PTBP3: variants seen among roughly 807,000 people sequenced by gnomAD.
PTBP3 encodes the protein polypyrimidine tract-binding protein 3.
A neutral mutation model predicts 58.7 loss-of-function variants in PTBP3; 20 were observed. The ratio of observed to expected loss-of-function variants is 0.34; its 90% CI spans 0.24 to 0.50. PTBP3 has a LOEUF of 0.50. Among genes scored for constraint, PTBP3 ranks in the 20% least tolerant of loss-of-function variants. The pLI is 0.98. For synonymous variants in PTBP3, 185 were observed against 219.8 expected (o/e 0.84, Z 1.40); for missense variants, 509 against 637.2 (o/e 0.80, Z 2.17).
intron 1 of PTBP3, among the ~76,000 whole-genome samples, chr9:112,311,619 G>C (rs1587873928): frequency 6.6e-6 from 1 of 151,846 alleles, no homozygotes; most frequent in South Asian, 2.1e-4. Flanking sequence ...ATGGATTTTG[G>C]CCCCCCCTAG....
the PTBP3 span, among the ~76,000 whole-genome samples, chr9:112,361,551 T>G: frequency 5.2e-5 from 1 of 19,266 alleles, no homozygotes. Context: ...ACATTTAAAT[T>G]TCTACCTTAT....
the PTBP3 span, among the ~76,000 whole-genome samples, chr9:112,339,328 C>A: frequency 6.8e-6 from 1 of 146,224 alleles, no homozygotes; most frequent in African/African-American, 2.5e-5. Context: ...AGGCGTGAAT[C>A]CTAAGGGGCT....
At chr9:112,302,281 A>T (rs1828968840) in intron 1 of PTBP3, among the ~76,000 whole-genome samples, 1 of 152,216 alleles carries the variant, frequency 6.6e-6, no homozygotes, top group Non-Finnish European at 1.5e-5. Flanking sequence ...TAAGAAATCT[A>T]CCAAAAGAGT....
At chr9:112,325,599 T>TA (rs56025050) in intron 1 of PTBP3, among the ~76,000 whole-genome samples, 49,064 of 144,350 alleles carry the variant, frequency 0.34, 8,395 homozygotes, top group South Asian at 0.45. Flanking sequence ...TCACAGAAAT[T>TA]AAAAAAAAAA....
chr9:112,340,185 G>A, the PTBP3 span, among the ~76,000 whole-genome samples: 1 of 152,062 alleles, frequency 6.6e-6, no homozygotes, highest in South Asian at 2.1e-4. Context: ...TACATAATAG[G>A]CAGCCAATAT....
At chr9:112,309,749 C>A (rs1439552522) in intron 1 of PTBP3, among the ~76,000 whole-genome samples, 1 of 150,748 alleles carries the variant, frequency 6.6e-6, no homozygotes, top group African/African-American at 2.4e-5. Flanking sequence ...GATTGTGCCA[C>A]TGCATTCCAG....
intron 1 of PTBP3, among the ~76,000 whole-genome samples, chr9:112,320,973 T>C (rs1829923583): frequency 6.6e-6 from 1 of 152,190 alleles, no homozygotes; most frequent in African/African-American, 2.4e-5. Context: ...ATTCCTTAGC[T>C]AGATGAGACA....
the PTBP3 span, among the ~76,000 whole-genome samples, chr9:112,371,672 CA>C: frequency 7.9e-6 from 1 of 126,632 alleles, no homozygotes; most frequent in Non-Finnish European, 1.5e-5. Context: ...TTTTTTTTAC[CA>C]GATCCCACTG....
At chr9:112,290,286 G>C (rs574926554) in intron 2 of PTBP3, among the ~76,000 whole-genome samples, 1 of 152,158 alleles carries the variant, frequency 6.6e-6, no homozygotes, top group African/African-American at 2.4e-5. Flanking sequence ...TGATCAGTAA[G>C]CATATGAAAA....
the PTBP3 span, among the ~76,000 whole-genome samples, chr9:112,343,212 A>T: frequency 2.7e-5 from 4 of 147,882 alleles, no homozygotes; most frequent in Non-Finnish European, 6.0e-5. Flanking sequence ...ACTCTGAACA[A>T]TTTTTTTTTT....
In PTBP3 at chr9:112,220,797, T is replaced by G. The variant is rs1433905390; in HGVS notation, c.*3054A>C. The G allele has an allele frequency of 6.1e-6, 6 of 980,230 alleles. No individual in the cohort carries two copies. Among genetic ancestry groups the G allele is most frequent in the African/African-American group, 1.8e-5 (1 of 57,092 alleles). The allele number at this position is 980,230 out of a possible 1,614,324, so 60.7% of individuals were successfully genotyped here. A position where few individuals can be genotyped will look rare whatever the true frequency, so the allele number is the denominator to read the frequency against. Reference sequence around the variant, plus strand: ...CTACTGTTAAATGTGTACTGCTATTTTTTAAAGTCCTGAATATATATACTT... The same window carrying G: ...CTACTGTTAAATGTGTACTGCTATTGTTTAAAGTCCTGAATATATATACTT... On this transcript the variant is annotated 3_prime_UTR_variant, in exon 14 of 14. Coordinates refer to ENST00000374257, the MANE Select transcript of PTBP3 (RefSeq NM_001163788.4).
intron 1 of PTBP3, chr9:112,330,537 C>G (rs1217835451): frequency 8.9e-7 from 1 of 1,128,438 alleles, no homozygotes; most frequent in Non-Finnish European, 1.3e-6. Context: ...TTTTAAAAGA[C>G]AGAGATAGTA....
intron 1 of PTBP3, among the ~76,000 whole-genome samples, chr9:112,313,918 C>T (rs548884587): frequency 5.9e-5 from 9 of 152,162 alleles, no homozygotes; most frequent in Middle Eastern, 6.8e-3. Flanking sequence ...CAACTGACGA[C>T]GGAAAACATT....
At chr9:112,226,896 A>G (rs1835009126) in intron 12 of PTBP3, among the ~76,000 whole-genome samples, 1 of 152,258 alleles carries the variant, frequency 6.6e-6, no homozygotes, top group African/African-American at 2.4e-5. Flanking sequence ...GAGTTTGAAG[A>G]TAACTAAAGC....
chr9:112,286,491 T>C (rs1307318001), intron 2 of PTBP3, among the ~76,000 whole-genome samples: 1 of 152,206 alleles, frequency 6.6e-6, no homozygotes, highest in Non-Finnish European at 1.5e-5. Flanking sequence ...GTAGACAATA[T>C]ACATCTTTAA....
At position 112,221,393 on chromosome 9, in the gene PTBP3, G is replaced by C. The variant is rs1223744825; in HGVS notation, c.*2458C>G. 6 of 985,714 alleles carry C rather than the reference G, an allele frequency of 6.1e-6. No homozygotes were observed. The highest frequency in any genetic ancestry group is 7.2e-6 in the Non-Finnish European group (6 of 829,902). 61.1% of individuals were successfully genotyped at this position (985,714 alleles called of 1,614,324 possible). A position where few individuals can be genotyped will look rare whatever the true frequency, so the allele number is the denominator to read the frequency against. ...TCAAAGTTACATTCAACACCACTATGATCCCCTTCCGTTATTAGCAACTTT... is the reference window on the plus strand; with the variant it reads ...TCAAAGTTACATTCAACACCACTATCATCCCCTTCCGTTATTAGCAACTTT... On this transcript the variant is annotated 3_prime_UTR_variant, in exon 14 of 14. Coordinates refer to ENST00000374257, the MANE Select transcript of PTBP3 (RefSeq NM_001163788.4).
At chr9:112,259,077 G>A (rs540102279) in intron 5 of PTBP3, among the ~76,000 whole-genome samples, 2 of 152,200 alleles carry the variant, frequency 1.3e-5, no homozygotes. Context: ...TTAGCCTCCT[G>A]AGTAGCTGGG....
chr9:112,322,527 A>G (rs1201523370), intron 1 of PTBP3, among the ~76,000 whole-genome samples: 3 of 152,236 alleles, frequency 2.0e-5, no homozygotes, highest in Non-Finnish European at 1.5e-5. Flanking sequence ...CTCAGACTCT[A>G]GAAGAGGGGC....
chr9:112,243,355 A>G (rs1835738290), intron 7 of PTBP3, among the ~76,000 whole-genome samples: 1 of 152,158 alleles, frequency 6.6e-6, no homozygotes, highest in Non-Finnish European at 1.5e-5. Context: ...AGGCTGGCCA[A>G]CACGGTGAAA....
Sources: gnomAD v4.1 joint callset for allele counts (sites outside exome capture counted in the v4.1 genomes callset) on GRCh38, gnomAD v4.1.1 for gene constraint, MANE v1.5 for transcripts, NCBI Gene and HGNC (gene_info 2026-07-23, HGNC 2026-07-21) for gene names.